The following TET1 variants were observed in gnomAD, a reference collection of about 807,000 sequenced individuals.
TET1 encodes tet methylcytosine dioxygenase 1.
A neutral mutation model predicts 148.7 loss-of-function variants in TET1; 13 were observed. The ratio of observed to expected loss-of-function variants is 0.09; its 90% CI spans 0.06 to 0.14. The LOEUF is 0.14. Among genes scored for constraint, TET1 ranks in the 10% least tolerant of loss-of-function variants. TET1 has a pLI of 1.00. For synonymous variants in TET1, 907 were observed against 937.2 expected, an observed-to-expected ratio of 0.97 and a Z score of 0.59; for missense variants, 2,182 against 2,553.8, an observed-to-expected ratio of 0.85 and a Z score of 3.14.
intron 3 of TET1, among the ~76,000 whole-genome samples, chr10:68,628,657 A>G (rs1033291699): frequency 1.3e-5 from 2 of 152,146 alleles, no homozygotes; most frequent in Middle Eastern, 3.2e-3. Flanking sequence ...GTTTACTGTC[A>G]CCTTTGTCCA....
chr10:68,621,029 A>G (rs1357902982), intron 3 of TET1, among the ~76,000 whole-genome samples: 1 of 152,214 alleles, frequency 6.6e-6, no homozygotes, highest in Non-Finnish European at 1.5e-5. Flanking sequence ...TGTCCTACAC[A>G]CAAGTCCTTT....
Position 68,686,364 on chromosome 10 carries a change from C to G in TET1, c.5061C>G (p.Thr1687=), listed in dbSNP as rs2055508888. Residue 1687 remains threonine, a synonymous_variant, in exon 11 of 12, where the codon ACC becomes ACG. Transcript: ENST00000373644. ...NMNNGSTVVC[T]LTREDNRSLG... is the part of the protein sequence containing the mutation. ...GTTTTTCTCCCTATCAGGTTTGTAC[C>G]TTAACTCGAGAAGATAACCGCTCTT... 1 of 1,603,192 alleles carries G rather than the reference C, an allele frequency of 6.2e-7. No homozygotes were observed. Among genetic ancestry groups the G allele is most frequent in the Non-Finnish European group, 8.5e-7 (1 of 1,173,590 alleles).
Position 68,573,783 on chromosome 10 carries a change from A to G in TET1, c.1445A>G (p.Asn482Ser), listed in dbSNP as rs961419225. 5.0e-6 allele frequency: 8 copies of G among 1,613,894 alleles called. No individual in the cohort carries two copies. Among genetic ancestry groups the G allele is most frequent in the Non-Finnish European group, 5.9e-6 (7 of 1,180,034 alleles). Residue 482 changes from asparagine (N) to serine (S), a missense_variant, in exon 2 of 12, where the codon AAC becomes AGC. Around this residue, in one of 11 missense-constraint regions of TET1, gnomAD observed 665 missense variants for 672.4 expected, o/e 0.99. Transcript: ENST00000373644. ...GSGHTPQSSS[N>S]SEKNSLPPVM... is the part of the protein sequence containing the mutation. The stretch of plus-strand genomic sequence containing the variant: ...GGACACACTCCTCAATCATCATCAA[A>G]CTCAGAGAAAAATTCATTACCTCCA...
chr10:68,672,487 C>CAAAAAAAAAAAAAAAAAAAAAAAAAAAAA (rs71483920), intron 7 of TET1, among the ~76,000 whole-genome samples: 1 of 49,732 alleles, frequency 2.0e-5, no homozygotes, highest in Non-Finnish European at 3.2e-5. Flanking sequence ...GACCCCATCT[C>CAAAAAAAAAAAAAAAAAAAAAAAAAAAAA]AAAAAAAAAA....
intron 2 of TET1, among the ~76,000 whole-genome samples, chr10:68,588,334 A>G (rs1160171508): frequency 6.6e-6 from 1 of 152,220 alleles, no homozygotes; most frequent in South Asian, 2.1e-4. Flanking sequence ...TCACATGCTC[A>G]TTGTCTCATA....
intron 4 of TET1, among the ~76,000 whole-genome samples, chr10:68,649,068 T>C (rs2054892554): frequency 6.6e-6 from 1 of 152,232 alleles, no homozygotes; most frequent in Non-Finnish European, 1.5e-5. Flanking sequence ...GTAATCATCA[T>C]AATGGCTTCC....
chr10:68,645,558 C>T lies in TET1; in HGVS notation c.2829C>T (p.Asp943=), dbSNP rs1246523650. The T allele has an allele frequency of 2.5e-6, 4 of 1,614,186 alleles. No homozygotes were observed. Among genetic ancestry groups the T allele is most frequent in the African/African-American group, 1.3e-5 (1 of 75,072 alleles). Residue 943 remains aspartate (D), a synonymous_variant, in exon 4 of 12, where the codon GAC becomes GAT. Coordinates refer to ENST00000373644, the MANE Select transcript of TET1 (RefSeq NM_030625.3). ...ILYTVRKDLQ[D]PNLQGEPPKL... is the part of the protein sequence containing the mutation. Reference sequence around the variant, plus strand: ...ACACTGTAAGAAAAGACCTCCAAGACCCAAACTTACAGGGAGAGCCACCAA... The same window carrying T: ...ACACTGTAAGAAAAGACCTCCAAGATCCAAACTTACAGGGAGAGCCACCAA...
intron 3 of TET1, among the ~76,000 whole-genome samples, chr10:68,627,457 A>G (rs7088947): frequency 0.95 from 143,607 of 151,778 alleles, 67,972 homozygotes; most frequent in East Asian, 0.98. Flanking sequence ...TTAGGCGGAT[A>G]TGGTGCTGGA....
In TET1 at chr10:68,573,134, C is replaced by G. The variant is rs143870952; in HGVS notation, c.796C>G (p.Pro266Ala). 1,568 of 1,614,094 alleles carry G rather than the reference C, an allele frequency of 9.7e-4. No homozygotes were observed. The highest frequency in any genetic ancestry group is 1.2e-3 in the Non-Finnish European group (1,466 of 1,180,028). The change falls in exon 2 of 12, where the codon CCC becomes GCC. Residue 266 changes from proline to alanine, a missense_variant. Pro to Ala is a conservative substitution (Grantham distance 27). This residue lies in a region of TET1 where 665 missense variants were observed against 672.4 expected (regional missense o/e 0.99). Transcript: ENST00000373644. ...CCCCAAAGTTACCTCTCAAGGAAAC[C>G]CCAGCATTCAGTTAGAAGAGTTGGG... ...ATPKVTSQGN[P>A]SIQLEELGSR...
rs200182540 is a variant in TET1, at chr10:68,686,623, G to C, written c.5320G>C (p.Glu1774Gln). 12 of 1,614,126 alleles carry C rather than the reference G, an allele frequency of 7.4e-6. No individual in the cohort carries two copies. In the East Asian group the frequency reaches 2.7e-4, roughly 36 times the overall value. ...EVLAHKIRAV[E>Q]KKPIPRIKRK... is the part of the protein sequence containing the mutation. ...TCTTGCACATAAGATAAGGGCAGTG[G>C]AAAAGAAACCTATTCCCCGAATCAA... The change falls in exon 11 of 12, where the codon GAA becomes CAA. Residue 1774 changes from glutamate to glutamine, a missense_variant. Transcript: ENST00000373644.
At chr10:68,668,672 C>G (rs561287838) in intron 7 of TET1, among the ~76,000 whole-genome samples, 1 of 152,126 alleles carries the variant, frequency 6.6e-6, no homozygotes, top group Non-Finnish European at 1.5e-5. Flanking sequence ...GTCTGCCTCC[C>G]GGGTTCAAGC....
chr10:68,637,967 C>A (rs988021158), intron 3 of TET1, among the ~76,000 whole-genome samples: 5 of 152,052 alleles, frequency 3.3e-5, no homozygotes, highest in African/African-American at 1.2e-4. Context: ...TTTCGTAGAG[C>A]CAGGGTTTTG....
At chr10:68,604,758 G>A (rs932626863) in intron 3 of TET1, among the ~76,000 whole-genome samples, 1 of 152,158 alleles carries the variant, frequency 6.6e-6, no homozygotes, top group Non-Finnish European at 1.5e-5. Flanking sequence ...TGACCACAGG[G>A]GTGGTATGGT....
chr10:68,566,766 C>T (rs2053611618), intron 1 of TET1, among the ~76,000 whole-genome samples: 1 of 151,438 alleles, frequency 6.6e-6, no homozygotes, highest in Non-Finnish European at 1.5e-5. Context: ...ATATAGCAAA[C>T]TCTGAGTTAA....
chr10:68,635,794 C>T (rs377121857), intron 3 of TET1, among the ~76,000 whole-genome samples: 1 of 152,062 alleles, frequency 6.6e-6, no homozygotes, highest in East Asian at 1.9e-4. Flanking sequence ...AGTTTACAGA[C>T]CAGCCTAGGC....
intron 2 of TET1, among the ~76,000 whole-genome samples, chr10:68,595,350 A>T (rs999746188): frequency 6.6e-6 from 1 of 152,144 alleles, no homozygotes; most frequent in African/African-American, 2.4e-5. Flanking sequence ...AGAAAAATAA[A>T]GAATTTCTTG....
Position 68,573,813 on chromosome 10 carries a change from T to C in TET1, c.1475T>C (p.Met492Thr). 1.9e-6 allele frequency: 3 copies of C among 1,614,102 alleles called. No individual in the cohort carries two copies. Among genetic ancestry groups the C allele is most frequent in the African/African-American group, 1.3e-5 (1 of 75,062 alleles). The change falls in exon 2 of 12, where the codon ATG becomes ACG. Residue 492 changes from methionine to threonine, a missense_variant. Met to Thr is a moderately conservative substitution (Grantham distance 81, BLOSUM62 -1). This residue lies in a region of TET1 where 665 missense variants were observed against 672.4 expected (regional missense o/e 0.99). Coordinates refer to ENST00000373644, the MANE Select transcript of TET1 (RefSeq NM_030625.3). The stretch of plus-strand genomic sequence containing the variant: ...GAGAAAAATTCATTACCTCCAGTAA[T>C]GGCTATAAGCAATGTAGAAAATGAG... The part of the protein sequence containing the change: ...NSEKNSLPPV[M>T]AISNVENEKQ...
At chr10:68,627,607 A>T (rs1299095858) in intron 3 of TET1, among the ~76,000 whole-genome samples, 2 of 151,536 alleles carry the variant, frequency 1.3e-5, no homozygotes, top group African/African-American at 4.8e-5. Context: ...AAAAAAAGTA[A>T]AAAGAAAACT....
chr10:68,598,768 G>A (rs2054017612), intron 2 of TET1, among the ~76,000 whole-genome samples: 1 of 146,310 alleles, frequency 6.8e-6, no homozygotes, highest in Non-Finnish European at 1.5e-5. Context: ...GGTGCTCACT[G>A]CAACTACTGT....
Sources: gnomAD v4.1 joint callset for allele counts (sites outside exome capture counted in the v4.1 genomes callset) on GRCh38, gnomAD v4.1.1 for gene constraint, gnomAD v4.1.1 regional missense constraint, MANE v1.5 for transcripts, NCBI Gene and HGNC (gene_info 2026-07-23, HGNC 2026-07-21) for gene names.